AKAP7: variants seen among roughly 807,000 people sequenced by gnomAD.
AKAP7 encodes the protein A-kinase anchoring protein 7.
In AKAP7, 39 loss-of-function variants were observed where a neutral mutation model predicts 39.5. That is an observed-to-expected ratio of 0.99 (90% confidence interval 0.76 to 1.29). The LOEUF is 1.29. Among genes scored for constraint, AKAP7 ranks in the 50% most tolerant of loss-of-function variants. The pLI, the probability that AKAP7 is intolerant of heterozygous loss-of-function variation, is 0.00. For synonymous variants in AKAP7, 140 were observed against 139.1 expected (o/e 1.01, Z -0.05); for missense variants, 414 against 407.7 (o/e 1.02, Z -0.13).
intron 2 of AKAP7, among the ~76,000 whole-genome samples, chr6:131,158,435 C>T (rs759152499): frequency 6.6e-6 from 1 of 152,110 alleles, no homozygotes; most frequent in African/African-American, 2.4e-5. Context: ...TTCTTTCCTT[C>T]CTTTTTCAAA....
chr6:131,228,928 T>C (rs1436244506), intron 7 of AKAP7, among the ~76,000 whole-genome samples: 2 of 152,196 alleles, frequency 1.3e-5, no homozygotes, highest in Admixed American at 1.3e-4. Context: ...GTAGCAAAAA[T>C]TATTAATTGC....
At chr6:131,152,653 C>A (rs1162721586) in intron 2 of AKAP7, among the ~76,000 whole-genome samples, 1 of 151,422 alleles carries the variant, frequency 6.6e-6, no homozygotes, top group Non-Finnish European at 1.5e-5. Context: ...CATGCGAAAC[C>A]CCATGTCTAC....
chr6:131,231,792 A>G (rs1810647214), intron 7 of AKAP7, among the ~76,000 whole-genome samples: 1 of 152,172 alleles, frequency 6.6e-6, no homozygotes. Flanking sequence ...GGAACCTTTG[A>G]CTTGCTAAAT....
At chr6:131,144,442 T>C (rs1217919217) in intron 1 of AKAP7, among the ~76,000 whole-genome samples, 1 of 152,250 alleles carries the variant, frequency 6.6e-6, no homozygotes, top group East Asian at 1.9e-4. Context: ...AATTAGTCTT[T>C]AGTAAATATG....
At position 131,165,197 on chromosome 6, in the gene AKAP7, A is replaced by C. The variant is rs111657155; in HGVS notation, c.408A>C (p.Leu136Phe). 401 of 1,607,466 alleles carry C rather than the reference A, an allele frequency of 2.5e-4. 2 individuals carry two copies. The African/African-American group carries it at 4.2e-3, about 17-fold the overall frequency. ...FHITLLVMQL[L>F]NEDEVNIGID... ...TTACCCTGCTGGTGATGCAATTATTAAATGAAGATGAAGTAAACATGTGAG... is the reference window on the plus strand; with the variant it reads ...TTACCCTGCTGGTGATGCAATTATTCAATGAAGATGAAGTAAACATGTGAG... Residue 136 changes from leucine (L) to phenylalanine (F), a missense_variant, in exon 4 of 8, where the codon TTA (leucine) becomes TTC (phenylalanine). Coordinates refer to ENST00000431975, the MANE Select transcript of AKAP7 (RefSeq NM_016377.4).
In AKAP7 at chr6:131,282,916, C is replaced by CACAA. The variant is rs1207799523; in HGVS notation, c.*1194_*1197dup. The stretch of plus-strand genomic sequence containing the variant: ...ACATACAGACTGTGAACAAATCATT[C>CACAA]ACAAACAGAATAAAACAGAGCCAAC... On this transcript the variant is annotated 3_prime_UTR_variant, in exon 8 of 8. Coordinates refer to ENST00000431975, the MANE Select transcript of AKAP7 (RefSeq NM_016377.4). 2 of 224,784 alleles carry CACAA rather than the reference C, an allele frequency of 8.9e-6. No individual in the cohort carries two copies. The highest frequency in any genetic ancestry group is 2.3e-5 in the African/African-American group (1 of 43,944). 13.9% of individuals were successfully genotyped at this position (224,784 alleles called of 1,614,324 possible).
intron 7 of AKAP7, among the ~76,000 whole-genome samples, chr6:131,272,157 A>C (rs1243908117): frequency 6.6e-6 from 1 of 152,148 alleles, no homozygotes. Context: ...TCTTCACATA[A>C]AATTGTTTAT....
At position 131,282,027 on chromosome 6, in the gene AKAP7, A is replaced by G. The variant is rs1815241560; in HGVS notation, c.*301A>G. On this transcript the variant is annotated 3_prime_UTR_variant, in exon 8 of 8. Coordinates refer to ENST00000431975, the MANE Select transcript of AKAP7 (RefSeq NM_016377.4). ...GTTATGCCTCCTGGACGCAAATTAA[A>G]GGCCGAGAAAGAGGCCTTGCCATCA... 1 of 1,146,886 alleles carries G rather than the reference A, an allele frequency of 8.7e-7. No individual in the cohort carries two copies. The highest frequency in any genetic ancestry group is 1.1e-6 in the Non-Finnish European group (1 of 934,868). The allele number at this position is 1,146,886 out of a possible 1,614,324, so 71.0% of individuals were successfully genotyped here.
upstream of AKAP7, among the ~76,000 whole-genome samples, chr6:131,133,034 A>G (rs992648857): frequency 3.9e-5 from 6 of 152,208 alleles, no homozygotes; most frequent in African/African-American, 7.2e-5. Flanking sequence ...TCAATCAGTT[A>G]TCAGTTGTGG....
At chr6:131,133,231 G>A (rs890943551), upstream of AKAP7, among the ~76,000 whole-genome samples, 1 of 152,054 alleles carries the variant, frequency 6.6e-6, no homozygotes, top group African/African-American at 2.4e-5. Context: ...TGGCCTACTA[G>A]TTTTTCTTCC....
intron 7 of AKAP7, among the ~76,000 whole-genome samples, chr6:131,241,593 G>A (rs1811566056): frequency 3.1e-5 from 2 of 64,588 alleles, no homozygotes; most frequent in African/African-American, 5.4e-5. Flanking sequence ...GTGTGTGTGT[G>A]TGTGTGTGTG....
chr6:131,271,671 A>G (rs1006341492), intron 7 of AKAP7, among the ~76,000 whole-genome samples: 2 of 152,106 alleles, frequency 1.3e-5, no homozygotes, highest in African/African-American at 2.4e-5. Context: ...ATTATTTACA[A>G]AATACATGGT....
chr6:131,276,137 A>G (rs182096975), intron 7 of AKAP7, among the ~76,000 whole-genome samples: 20 of 152,286 alleles, frequency 1.3e-4, no homozygotes, highest in Non-Finnish European at 1.0e-4. Flanking sequence ...TCATTTTCCT[A>G]TTTATTCTGT....
chr6:131,158,274 C>A (rs972177786), intron 2 of AKAP7, among the ~76,000 whole-genome samples: 4 of 152,146 alleles, frequency 2.6e-5, no homozygotes, highest in African/African-American at 9.7e-5. Flanking sequence ...AGCAGGGTTG[C>A]ATATGCACAC....
chr6:131,127,742 A>C, the AKAP7 span, among the ~76,000 whole-genome samples: 1 of 152,322 alleles, frequency 6.6e-6, no homozygotes, highest in East Asian at 1.9e-4. Context: ...TCATTGCAGC[A>C]CTATTCACAA....
At chr6:131,176,100 A>T (rs1342393046) in intron 5 of AKAP7, among the ~76,000 whole-genome samples, 1 of 152,164 alleles carries the variant, frequency 6.6e-6, no homozygotes, top group East Asian at 1.9e-4. Flanking sequence ...TTCCTACACC[A>T]TTAAAATTAT....
At chr6:131,134,701 C>A (rs1204561947), upstream of AKAP7, among the ~76,000 whole-genome samples, 1 of 152,216 alleles carries the variant, frequency 6.6e-6, no homozygotes, top group Non-Finnish European at 1.5e-5. Flanking sequence ...TTGCCGACTT[C>A]TAGTGTGCAG....
rs537896714 is a variant in AKAP7 at position 131,281,935 on chromosome 6, T to G, written c.*209T>G. On this transcript the variant is annotated 3_prime_UTR_variant, in exon 8 of 8. Coordinates refer to ENST00000431975, the MANE Select transcript of AKAP7 (RefSeq NM_016377.4). The surrounding 1 kb of genome is among the most constrained non-coding windows in gnomAD (Gnocchi z 4.0). ...TGCTGGGACTGGCAGAGGAAATTAA[T>G]TGATGAAAGAAGAATGGCCCAAGTT... The G allele has an allele frequency of 8.1e-7, 1 of 1,233,536 alleles. No individual in the cohort carries two copies. The highest frequency in any genetic ancestry group is 1.0e-6 in the Non-Finnish European group (1 of 987,882). The allele number at this position is 1,233,536 out of a possible 1,614,324, so 76.4% of individuals were successfully genotyped here.
intron 7 of AKAP7, among the ~76,000 whole-genome samples, chr6:131,263,343 ACTCAGTGAT>A (rs1813516920): frequency 6.6e-6 from 1 of 152,068 alleles, no homozygotes; most frequent in Non-Finnish European, 1.5e-5. Flanking sequence ...CTCTGGCTTC[ACTCAGTGAT>A]GGGGATATGA....
Sources: allele counts gnomAD v4.1 joint callset (sites outside exome capture counted in the v4.1 genomes callset), GRCh38; gene constraint gnomAD v4.1.1; non-coding constraint Gnocchi (gnomAD v3.1); transcripts MANE v1.5; gene names NCBI Gene and HGNC (gene_info 2026-07-23, HGNC 2026-07-21).